The following UBE2U variants were observed in gnomAD, a reference collection of about 807,000 sequenced individuals.
UBE2U encodes the protein ubiquitin conjugating enzyme E2 U.
UBE2U carries 39 observed loss-of-function variants against 41.2 expected under a neutral mutation model. That is an observed-to-expected ratio of 0.95 (90% confidence interval 0.73 to 1.24). The LOEUF is 1.24. Ranked by LOEUF, UBE2U falls within the 50% of genes most tolerant of loss-of-function variation. UBE2U has a pLI of 0.00. For missense variants in UBE2U, 336 were observed against 363.1 expected (o/e 0.93, Z 0.61); for synonymous variants, 107 against 117.8 (o/e 0.91, Z 0.60).
At position 64,243,986 on chromosome 1, in the gene UBE2U, C is replaced by T. The variant is rs1644878015; in HGVS notation, c.677+2253C>T. On this transcript the variant is annotated intron_variant, in intron 8 of 9. Transcript: ENST00000371077. ...TGTTAAGTGGCAGTAATAAGTGTAC[C>T]TACCTCCCAGGGAAGGTGTGAGGAT... The T allele has an allele frequency of 5.9e-6, 3 of 506,892 alleles. 1 individual carries two copies. The highest frequency in any genetic ancestry group is 4.9e-5 in the South Asian group (2 of 40,574). The allele number at this position is 506,892 out of a possible 1,614,324, so 31.4% of individuals were successfully genotyped here. A position where few individuals can be genotyped will look rare whatever the true frequency, so the allele number is the denominator to read the frequency against.
chr1:64,207,541 C>T (rs1452661465), intron 3 of UBE2U, among the ~76,000 whole-genome samples: 1 of 152,172 alleles, frequency 6.6e-6, no homozygotes, highest in African/African-American at 2.4e-5. Context: ...TTAACCATTT[C>T]TGTATTGTTC....
At chr1:64,265,488 G>A (rs1037952565) in intron 9 of UBE2U, among the ~76,000 whole-genome samples, 1 of 152,146 alleles carries the variant, frequency 6.6e-6, no homozygotes, top group East Asian at 1.9e-4. Context: ...TATTAGTACC[G>A]AAAGTACAAA....
intron 8 of UBE2U, among the ~76,000 whole-genome samples, chr1:64,245,450 C>T (rs1157343473): frequency 6.6e-6 from 1 of 152,182 alleles, no homozygotes; most frequent in Non-Finnish European, 1.5e-5. Context: ...GTATTCTAAG[C>T]TTTGGCAGCT....
intron 6 of UBE2U, among the ~76,000 whole-genome samples, chr1:64,223,940 A>C (rs181953736): frequency 2.2e-4 from 34 of 152,328 alleles, no homozygotes; most frequent in African/African-American, 8.2e-4. Context: ...ACCTAAATAA[A>C]AAGTTAAAAT....
intron 8 of UBE2U, among the ~76,000 whole-genome samples, chr1:64,246,182 T>C (rs1401290522): frequency 3.3e-5 from 5 of 152,118 alleles, no homozygotes; most frequent in Non-Finnish European, 7.4e-5. Flanking sequence ...CAAATACCAA[T>C]AAAAAAACTT....
intron 8 of UBE2U, among the ~76,000 whole-genome samples, chr1:64,259,811 C>T (rs1189789223): frequency 6.6e-6 from 1 of 151,884 alleles, no homozygotes; most frequent in African/African-American, 2.4e-5. Context: ...GTTGTTTTAT[C>T]CAGGATGAGT....
intron 6 of UBE2U, among the ~76,000 whole-genome samples, chr1:64,225,364 G>A (rs1652796042): frequency 6.6e-6 from 1 of 152,212 alleles, no homozygotes; most frequent in African/African-American, 2.4e-5. Context: ...GAAAAGAGAA[G>A]AGAGGTAGCT....
At chr1:64,205,147 T>C (rs1557698551) in intron 1 of UBE2U, among the ~76,000 whole-genome samples, 1 of 152,212 alleles carries the variant, frequency 6.6e-6, no homozygotes, top group East Asian at 1.9e-4. Context: ...TACATTCTTG[T>C]CCCTCCATTG....
chr1:64,221,755 A>G (rs1270611949), intron 6 of UBE2U, among the ~76,000 whole-genome samples: 1 of 152,302 alleles, frequency 6.6e-6, no homozygotes, highest in East Asian at 1.9e-4. Flanking sequence ...TTTAGCTCAT[A>G]TTTCCTTGAC....
In UBE2U at chr1:64,251,983, CTGCT is replaced by C. The variant is rs1424953832; in HGVS notation, c.678-8618_678-8615del. ...GCCAACCAGCAGCAATAGGCTGAGT[CTGCT>C]TAAGACAGAAGGGAGTTCCTGGGGG... On this transcript the variant is annotated intron_variant, in intron 8 of 9. Transcript: ENST00000371077. Among the ~76,000 whole-genome samples, 3 of 152,316 alleles carry C rather than the reference CTGCT, an allele frequency of 2.0e-5. No homozygotes were observed. The East Asian group carries it at 5.8e-4, about 29-fold the overall frequency.
At chr1:64,239,532 C>T (rs770735813) in intron 7 of UBE2U, among the ~76,000 whole-genome samples, 174 of 119,444 alleles carry the variant, frequency 1.5e-3, no homozygotes, top group Non-Finnish European at 2.3e-3. Flanking sequence ...CCCCACCCCA[C>T]GACAGGCCTT....
chr1:64,235,915 CATT>C (rs1304260363), intron 7 of UBE2U, among the ~76,000 whole-genome samples: 11 of 151,926 alleles, frequency 7.2e-5, no homozygotes, highest in Admixed American at 2.6e-4. Flanking sequence ...ACGTGCCAGG[CATT>C]ATTATTATTA....
intron 8 of UBE2U, among the ~76,000 whole-genome samples, chr1:64,251,999 G>A (rs1645018596): frequency 6.6e-6 from 1 of 152,154 alleles, no homozygotes; most frequent in African/African-American, 2.4e-5. Context: ...AAGACAGAAG[G>A]GAGTTCCTGG....
chr1:64,262,753 C>T (rs569967972), intron 9 of UBE2U, among the ~76,000 whole-genome samples: 1 of 152,262 alleles, frequency 6.6e-6, no homozygotes, highest in African/African-American at 2.4e-5. Context: ...AGTCATGGGT[C>T]CTATCCACAC....
At chr1:64,232,070 CCT>C (rs1344759297) in intron 6 of UBE2U, among the ~76,000 whole-genome samples, 2 of 152,122 alleles carry the variant, frequency 1.3e-5, no homozygotes, top group Non-Finnish European at 2.9e-5. Flanking sequence ...CTGTTTTTCC[CCT>C]CTTTGAAAAT....
At chr1:64,239,341 A>G (rs996142074) in intron 7 of UBE2U, among the ~76,000 whole-genome samples, 11 of 152,060 alleles carry the variant, frequency 7.2e-5, no homozygotes, top group Non-Finnish European at 1.5e-4. Context: ...TCATGTAAAA[A>G]TTACCAGTGC....
chr1:64,209,127 AT>A (rs1196663389), intron 3 of UBE2U, among the ~76,000 whole-genome samples: 23 of 152,114 alleles, frequency 1.5e-4, no homozygotes, highest in Admixed American at 1.2e-3. Flanking sequence ...ATTAAAACCT[AT>A]TTTTGGTATC....
rs1474537326 is a variant in UBE2U, at chr1:64,207,479, T to A, written c.241+623T>A. The stretch of plus-strand genomic sequence containing the variant: ...ATTTTAAAACTATATGTCTTTTTTC[T>A]GCATTATTAAACAGTCTTCAAAAGA... On this transcript the variant is annotated intron_variant, in intron 3 of 9. Transcript: ENST00000371077. 2.0e-5 allele frequency among the ~76,000 whole-genome samples: 3 copies of A among 152,332 alleles called. No homozygotes were observed. The East Asian group carries it at 5.8e-4, about 29-fold the overall frequency.
At chr1:64,237,161 G>T (rs1345902089) in intron 7 of UBE2U, among the ~76,000 whole-genome samples, 1 of 152,034 alleles carries the variant, frequency 6.6e-6, no homozygotes, top group Non-Finnish European at 1.5e-5. Flanking sequence ...CCTCCTTTAT[G>T]TTGCTCTATG....
Sources: gnomAD v4.1 joint callset for allele counts (sites outside exome capture counted in the v4.1 genomes callset) on GRCh38, gnomAD v4.1.1 for gene constraint, MANE v1.5 for transcripts, NCBI Gene and HGNC (gene_info 2026-07-23, HGNC 2026-07-21) for gene names.